Variants in RALGAPA2 observed in about 807,000 individuals in gnomAD.
RALGAPA2 encodes Ral GTPase activating protein catalytic subunit alpha 2.
In RALGAPA2, 139 loss-of-function variants were observed where a neutral mutation model predicts 230.4. That is an observed-to-expected ratio of 0.60 (90% confidence interval 0.53 to 0.69). The LOEUF (loss-of-function observed/expected upper bound fraction) is 0.69, where lower values mean the gene tolerates loss of function less well. Ranked by LOEUF, RALGAPA2 falls within the 30% of genes least tolerant of loss-of-function variation. The pLI is 0.00. For synonymous variants in RALGAPA2, 847 were observed against 837.8 expected (o/e 1.01, Z -0.19); for missense variants, 2,163 against 2,276.0 (o/e 0.95, Z 1.01).
At chr20:20,399,658 A>G (rs1329774969) in intron 38 of RALGAPA2, among the ~76,000 whole-genome samples, 1 of 152,264 alleles carries the variant, frequency 6.6e-6, no homozygotes, top group Non-Finnish European at 1.5e-5. Context: ...AGGGATTTAA[A>G]GCAGCACAGG....
At chr20:20,665,086 T>C (rs887230805) in intron 3 of RALGAPA2, among the ~76,000 whole-genome samples, 1 of 152,042 alleles carries the variant, frequency 6.6e-6, no homozygotes, top group African/African-American at 2.4e-5. Context: ...TAAAGGTATA[T>C]ATTAATTTAA....
At position 20,571,892 on chromosome 20, in the gene RALGAPA2, C is replaced by T. The variant is rs776593513; in HGVS notation, c.2956G>A (p.Val986Ile). ...LDNQSSPSPP[V>I]LIPPLRMFAS... ...AACATTCTGAGTGGTGGGATCAAAA[C>T]TGGAGGAGATGGAGAAGACTGGTTA... Residue 986 changes from valine to isoleucine, a missense_variant, in exon 22 of 40, where the codon GTT (valine) becomes ATT (isoleucine). Transcript: ENST00000202677. 1 of 1,612,148 alleles carries T rather than the reference C, an allele frequency of 6.2e-7. No individual in the cohort carries two copies. The highest frequency in any genetic ancestry group is 1.1e-5 in the South Asian group (1 of 90,628).
intron 10 of RALGAPA2, among the ~76,000 whole-genome samples, chr20:20,627,836 C>T (rs1461562481): frequency 2.0e-5 from 3 of 152,162 alleles, no homozygotes; most frequent in African/African-American, 7.2e-5. Flanking sequence ...GAGGTCCAGA[C>T]AAAAGGCTTG....
chr20:20,441,005 T>G (rs1321036752), intron 37 of RALGAPA2, among the ~76,000 whole-genome samples: 1 of 152,266 alleles, frequency 6.6e-6, no homozygotes. Flanking sequence ...TTCTGAATAA[T>G]TTATACATGG....
At chr20:20,554,592 C>T (rs2064027469) in intron 23 of RALGAPA2, among the ~76,000 whole-genome samples, 1 of 152,058 alleles carries the variant, frequency 6.6e-6, no homozygotes, top group South Asian at 2.1e-4. Flanking sequence ...CTTTTTGTTG[C>T]TAAGTTATAA....
At chr20:20,491,735 T>C (rs1193469446) in intron 36 of RALGAPA2, among the ~76,000 whole-genome samples, 1 of 152,136 alleles carries the variant, frequency 6.6e-6, no homozygotes, top group Non-Finnish European at 1.5e-5. Flanking sequence ...ACACATTTCT[T>C]TTCTGTGACC....
intron 20 of RALGAPA2, among the ~76,000 whole-genome samples, chr20:20,575,752 A>T (rs1161050541): frequency 6.6e-6 from 1 of 152,130 alleles, no homozygotes; most frequent in Non-Finnish European, 1.5e-5. Flanking sequence ...CCTATTACTG[A>T]CACAGGATTT....
At chr20:20,400,794 A>C (rs955405141) in intron 38 of RALGAPA2, among the ~76,000 whole-genome samples, 1 of 152,244 alleles carries the variant, frequency 6.6e-6, no homozygotes, top group Non-Finnish European at 1.5e-5. Flanking sequence ...ATGTCCATCA[A>C]CTGGTGAATG....
At chr20:20,522,533 G>A (rs1007647664) in intron 30 of RALGAPA2, among the ~76,000 whole-genome samples, 29 of 152,166 alleles carry the variant, frequency 1.9e-4, no homozygotes, top group East Asian at 3.9e-4. Context: ...ACAGGATAGC[G>A]GCTATCCCTG....
At chr20:20,534,916 C>T (rs1039451164) in intron 26 of RALGAPA2, among the ~76,000 whole-genome samples, 2 of 152,160 alleles carry the variant, frequency 1.3e-5, no homozygotes, top group African/African-American at 4.8e-5. Context: ...GCAATGTTAG[C>T]TTAATATTTG....
In RALGAPA2 at chr20:20,652,474, A is replaced by G. The variant is rs186430862; in HGVS notation, c.328+1056T>C. On this transcript the variant is annotated intron_variant, in intron 4 of 39. Coordinates refer to ENST00000202677, the MANE Select transcript of RALGAPA2 (RefSeq NM_020343.4). Reference sequence around the variant, plus strand: ...TATCCCCTGACTGGGCAAAAGGCCTATACAATACAAGAATGGTGATATATT... The same window carrying G: ...TATCCCCTGACTGGGCAAAAGGCCTGTACAATACAAGAATGGTGATATATT... 2.6e-5 allele frequency among the ~76,000 whole-genome samples: 4 copies of G among 152,310 alleles called. No individual in the cohort carries two copies. The East Asian group carries it at 7.7e-4, about 29-fold the overall frequency.
In RALGAPA2 at chr20:20,506,365, G is replaced by A. The variant is rs188999675; in HGVS notation, c.4929-831C>T. ...TCTCTGTTACACTGAGCAGATATAT[G>A]GTGATACATTTGAATGCATTAATAA... On this transcript the variant is annotated intron_variant, in intron 33 of 39. Coordinates refer to ENST00000202677, the MANE Select transcript of RALGAPA2 (RefSeq NM_020343.4). Among the ~76,000 whole-genome samples the A allele has an allele frequency of 2.6e-5, 4 of 152,192 alleles. No homozygotes were observed. In the East Asian group the frequency reaches 7.7e-4, roughly 29 times the overall value.
intron 37 of RALGAPA2, among the ~76,000 whole-genome samples, chr20:20,418,888 G>A (rs539866993): frequency 2.1e-4 from 32 of 152,120 alleles, no homozygotes; most frequent in African/African-American, 6.5e-4. Flanking sequence ...ACAGACATGC[G>A]TCACCATGCC....
chr20:20,594,728 C>CTTTTT (rs759189397), intron 16 of RALGAPA2, among the ~76,000 whole-genome samples: 4 of 134,028 alleles, frequency 3.0e-5, no homozygotes, highest in Non-Finnish European at 4.8e-5. Flanking sequence ...CTATTACTTT[C>CTTTTT]TTTTTTTTTT....
At chr20:20,649,952 T>C (rs975776953) in intron 4 of RALGAPA2, among the ~76,000 whole-genome samples, 13 of 152,202 alleles carry the variant, frequency 8.5e-5, no homozygotes, top group Admixed American at 5.2e-4. Flanking sequence ...AAAAAATGAC[T>C]TCAGAAAAAA....
chr20:20,643,574 TA>T (rs1415575898), intron 4 of RALGAPA2, 25 bp from the exon 5 acceptor site: 6 of 1,432,074 alleles, frequency 4.2e-6, no homozygotes, highest in Non-Finnish European at 5.7e-6. Context: ...TAATGAATTA[TA>T]AATAGAGTAT....
chr20:20,685,052 A>C (rs2068651230), intron 1 of RALGAPA2, among the ~76,000 whole-genome samples: 1 of 152,110 alleles, frequency 6.6e-6, no homozygotes, highest in Non-Finnish European at 1.5e-5. Flanking sequence ...AACACAAGAA[A>C]GGATCAAAAG....
Position 20,521,029 on chromosome 20 carries a change from G to A in RALGAPA2, c.3972C>T (p.Asp1324=). 3.1e-6 allele frequency: 5 copies of A among 1,613,910 alleles called. No individual in the cohort carries two copies. Among genetic ancestry groups the A allele is most frequent in the South Asian group, 1.1e-5 (1 of 91,082 alleles). ...QQSHYILTLA[D]LSSTDYDPFL... ...AGGGGTCATAATCCGTGGATGACAA[G>A]TCAGCCAGGGTCAGTATGTAGTGAC... The change falls in exon 31 of 40, where the codon GAC becomes GAT. Residue 1324 remains aspartate (D), a synonymous_variant. Transcript: ENST00000202677.
intron 23 of RALGAPA2, among the ~76,000 whole-genome samples, chr20:20,564,324 A>G (rs974242323): frequency 6.6e-6 from 1 of 152,206 alleles, no homozygotes; most frequent in Non-Finnish European, 1.5e-5. Context: ...AATCCTATCC[A>G]TTCTTGAAAG....
Sources: gnomAD v4.1 joint callset for allele counts (sites outside exome capture counted in the v4.1 genomes callset) on GRCh38, gnomAD v4.1.1 for gene constraint, MANE v1.5 for transcripts, NCBI Gene and HGNC (gene_info 2026-07-23, HGNC 2026-07-21) for gene names.